The following DRC11 variants were observed in gnomAD, a reference collection of about 807,000 sequenced individuals.
DRC11 encodes dynein regulatory complex subunit 11, also known as IQ and AAA domain-containing protein 1.
the DRC11 span, among the ~76,000 whole-genome samples, chr2:236,382,435 T>C: frequency 5.3e-5 from 8 of 152,236 alleles, no homozygotes; most frequent in Non-Finnish European, 1.2e-4. Flanking sequence ...TCTAGTTCCA[T>C]TACCTTTCCA....
chr2:236,409,742 G>T, the DRC11 span, among the ~76,000 whole-genome samples: 1 of 151,780 alleles, frequency 6.6e-6, no homozygotes. Context: ...ATTGGCTGTG[G>T]GTTTGTCATA....
At chr2:236,416,764 TATATAA>T in the DRC11 span, among the ~76,000 whole-genome samples, 32 of 108,126 alleles carry the variant, frequency 3.0e-4, no homozygotes, top group African/African-American at 8.4e-4. Context: ...TATATATATA[TATATAA>T]ATAATTTTGC....
At chr2:236,419,862 TA>T in the DRC11 span, among the ~76,000 whole-genome samples, 8 of 152,166 alleles carry the variant, frequency 5.3e-5, no homozygotes, top group African/African-American at 1.7e-4. The surrounding 1 kb of genome is among the most constrained non-coding windows in gnomAD (Gnocchi z 4.8). Flanking sequence ...ATAGATTTGT[TA>T]AAAAAACATA....
At chr2:236,505,951 G>A in the DRC11 span, among the ~76,000 whole-genome samples, 1 of 152,106 alleles carries the variant, frequency 6.6e-6, no homozygotes, top group Admixed American at 6.6e-5. Context: ...AGTTAGCTAT[G>A]CTCACCATCT....
At chr2:236,490,193 T>A in the DRC11 span, among the ~76,000 whole-genome samples, 39,877 of 152,080 alleles carry the variant, frequency 0.26, 5,589 homozygotes, top group African/African-American at 0.34. This position sits in a 1 kb window ranked among gnomAD's most constrained non-coding sequence, Gnocchi z 5.5. Context: ...GATGCTTTTT[T>A]TATGCATGCT....
the DRC11 span, among the ~76,000 whole-genome samples, chr2:236,366,973 C>T: frequency 4.4e-5 from 5 of 114,814 alleles, no homozygotes; most frequent in East Asian, 8.3e-4. Context: ...CCACACCCGG[C>T]TATTTTTTTT....
At chr2:236,429,801 T>TCAGGCAC in the DRC11 span, among the ~76,000 whole-genome samples, 4 of 152,076 alleles carry the variant, frequency 2.6e-5, no homozygotes, top group Non-Finnish European at 4.4e-5. This position sits in a 1 kb window ranked among gnomAD's most constrained non-coding sequence, Gnocchi z 5.9. Context: ...GGTAGGAGAC[T>TCAGGCAC]CAGGCACCTG....
the DRC11 span, among the ~76,000 whole-genome samples, chr2:236,350,915 C>T: frequency 6.6e-6 from 1 of 152,056 alleles, no homozygotes; most frequent in East Asian, 1.9e-4. This position sits in a 1 kb window ranked among gnomAD's most constrained non-coding sequence, Gnocchi z 5.2. Flanking sequence ...AGAAGATGGG[C>T]ATGGAAACTG....
chr2:236,491,142 G>GTATATATATACACACAGTATATA, the DRC11 span, among the ~76,000 whole-genome samples: 5 of 39,360 alleles, frequency 1.3e-4, no homozygotes, highest in African/African-American at 7.1e-4. Flanking sequence ...TATATATACA[G>GTATATATATACACACAGTATATA]TATATATATA....
At chr2:236,411,435 T>C in the DRC11 span, among the ~76,000 whole-genome samples, 6 of 151,730 alleles carry the variant, frequency 4.0e-5, no homozygotes, top group Non-Finnish European at 8.8e-5. Context: ...GGAACACTTT[T>C]ACACTGTTGG....
the DRC11 span, among the ~76,000 whole-genome samples, chr2:236,475,585 T>C: frequency 6.6e-6 from 1 of 152,210 alleles, no homozygotes; most frequent in Non-Finnish European, 1.5e-5. This position sits in a 1 kb window ranked among gnomAD's most constrained non-coding sequence, Gnocchi z 4.8. Context: ...ATCAGCCTAA[T>C]AGTTCTATTT....
the DRC11 span, among the ~76,000 whole-genome samples, chr2:236,388,222 G>A: frequency 6.6e-6 from 1 of 151,682 alleles, no homozygotes; most frequent in Admixed American, 6.6e-5. Flanking sequence ...TTGCTAGATT[G>A]GGGAAGTTCT....
At chr2:236,413,389 T>C in the DRC11 span, among the ~76,000 whole-genome samples, 92 of 152,326 alleles carry the variant, frequency 6.0e-4, no homozygotes, top group Admixed American at 9.1e-4. This position sits in a 1 kb window ranked among gnomAD's most constrained non-coding sequence, Gnocchi z 4.0. Flanking sequence ...TGTATTTCAG[T>C]GGGCACAGAA....
chr2:236,354,780 C>A, the DRC11 span, among the ~76,000 whole-genome samples: 1 of 152,158 alleles, frequency 6.6e-6, no homozygotes, highest in Non-Finnish European at 1.5e-5. Flanking sequence ...CTGACTGACA[C>A]ACAGTGCCCG....
the DRC11 span, among the ~76,000 whole-genome samples, chr2:236,389,525 G>T: frequency 6.6e-6 from 1 of 152,218 alleles, no homozygotes; most frequent in Non-Finnish European, 1.5e-5. Context: ...TTCGGCTCGC[G>T]ACCGGTGCGC....
At chr2:236,480,799 TATTGTC>T in the DRC11 span, among the ~76,000 whole-genome samples, 1 of 152,240 alleles carries the variant, frequency 6.6e-6, no homozygotes, top group African/African-American at 2.4e-5. Flanking sequence ...TATGTCTATG[TATTGTC>T]ATTGAAGAAT....
the DRC11 span, among the ~76,000 whole-genome samples, chr2:236,307,717 T>C: frequency 1.3e-5 from 2 of 152,156 alleles, no homozygotes; most frequent in African/African-American, 4.8e-5. This position sits in a 1 kb window ranked among gnomAD's most constrained non-coding sequence, Gnocchi z 7.0. Context: ...GAAATGTTCA[T>C]CCCACCGGTG....
chr2:236,447,520 C>G, the DRC11 span, among the ~76,000 whole-genome samples: 1 of 147,862 alleles, frequency 6.8e-6, no homozygotes, highest in East Asian at 1.9e-4. This position sits in a 1 kb window ranked among gnomAD's most constrained non-coding sequence, Gnocchi z 4.6. Context: ...ATCACTCCTA[C>G]AGAGGAGTGT....
chr2:236,340,739 A>C, the DRC11 span, among the ~76,000 whole-genome samples: 2 of 152,198 alleles, frequency 1.3e-5, no homozygotes, highest in South Asian at 4.1e-4. Flanking sequence ...CTGAGGCAGG[A>C]GATGACACTG....
Sources: gnomAD v4.1 joint callset for allele counts (sites outside exome capture counted in the v4.1 genomes callset) on GRCh38, gnomAD v4.1.1 for gene constraint, Gnocchi (gnomAD v3.1) non-coding constraint, MANE v1.5 for transcripts, NCBI Gene and HGNC (gene_info 2026-07-23, HGNC 2026-07-21) for gene names.